The following ADAMTS17 variants were observed in gnomAD, a reference collection of about 807,000 sequenced individuals.
ADAMTS17 encodes A disintegrin and metalloproteinase with thrombospondin motifs 17.
ADAMTS17 carries 113 observed loss-of-function variants against 141.5 expected under a neutral mutation model. That is an observed-to-expected ratio of 0.80 (90% CI 0.69 to 0.93). The LOEUF (loss-of-function observed/expected upper bound fraction) is 0.93, where lower values mean the gene tolerates loss of function less well. ADAMTS17 is among the 40% of genes least tolerant of loss of function. The probability of loss-of-function intolerance (pLI) is 0.00; values close to 1 mark genes in which losing one functional copy is unlikely to be tolerated. For missense variants in ADAMTS17, 1,659 were observed against 1,517.9 expected (o/e 1.09, Z -1.54); for synonymous variants, 768 against 630.6 (o/e 1.22, Z -3.27).
intron 18 of ADAMTS17, among the ~76,000 whole-genome samples, chr15:100,017,883 A>C (rs573594545): frequency 6.6e-6 from 1 of 152,274 alleles, no homozygotes; most frequent in East Asian, 1.9e-4. Context: ...GTGGTATTTC[A>C]TTATGTGTGT....
chr15:100,042,031 C>T (rs959370627), intron 18 of ADAMTS17, among the ~76,000 whole-genome samples: 2 of 152,124 alleles, frequency 1.3e-5, no homozygotes, highest in Non-Finnish European at 2.9e-5. Context: ...GATTCTTGGG[C>T]GCTTCTTCCA....
chr15:100,216,911 T>A (rs886702106), intron 7 of ADAMTS17, among the ~76,000 whole-genome samples: 1 of 152,238 alleles, frequency 6.6e-6, no homozygotes, highest in African/African-American at 2.4e-5. Flanking sequence ...AAACATCACA[T>A]GTTCTTCTGT....
At chr15:100,249,887 G>T (rs934808225) in intron 7 of ADAMTS17, among the ~76,000 whole-genome samples, 2 of 152,176 alleles carry the variant, frequency 1.3e-5, no homozygotes, top group African/African-American at 4.8e-5. Flanking sequence ...AGGTTACCCT[G>T]GGGGGACTAC....
At chr15:100,051,260 C>G (rs530322820) in intron 17 of ADAMTS17, among the ~76,000 whole-genome samples, 29 of 152,272 alleles carry the variant, frequency 1.9e-4, no homozygotes, top group African/African-American at 7.0e-4. Context: ...AAGGTCTATT[C>G]TGTTTATTCC....
At position 100,019,264 on chromosome 15, in the gene ADAMTS17, G is replaced by A. The variant is rs186867036; in HGVS notation, c.2592-21675C>T. Among the ~76,000 whole-genome samples the A allele has an allele frequency of 1.4e-3, 218 of 152,174 alleles. 1 individual carries two copies. Among genetic ancestry groups the A allele is most frequent in the Middle Eastern group, 3.4e-3 (1 of 294 alleles). ...TATATAGTGCAAGTTTGAAAATTTG[G>A]GTGGGATGAGATGCATACATACCAA... On this transcript the variant is annotated intron_variant, in intron 18 of 21. Transcript: ENST00000268070.
rs369268643 is a variant in ADAMTS17, at chr15:100,152,901, T to C, written c.1323-139A>G. On this transcript the variant is annotated intron_variant, in intron 9 of 21. Transcript: ENST00000268070. ...CCTTATGGAAAAAGGACGCAGGCAC[T>C]GGACACACAGACTGCGCTTTTTTGC... 5.5e-6 allele frequency: 6 copies of C among 1,096,528 alleles called. No individual in the cohort carries two copies. In the East Asian group the frequency reaches 1.5e-4, roughly 28 times the overall value. 67.9% of individuals were successfully genotyped at this position (1,096,528 alleles called of 1,614,324 possible). A position where few individuals can be genotyped will look rare whatever the true frequency, so the allele number is the denominator to read the frequency against.
At chr15:100,243,110 C>A (rs1567416455) in intron 7 of ADAMTS17, among the ~76,000 whole-genome samples, 1 of 152,218 alleles carries the variant, frequency 6.6e-6, no homozygotes, top group African/African-American at 2.4e-5. Flanking sequence ...TTATTTCATT[C>A]GGCATAATGT....
intron 3 of ADAMTS17, among the ~76,000 whole-genome samples, chr15:100,309,682 C>G (rs891632618): frequency 6.6e-6 from 1 of 152,196 alleles, no homozygotes. Context: ...CACGTGAAGC[C>G]CAGCAGTTTC....
At chr15:100,000,572 G>C (rs1321755468) in intron 18 of ADAMTS17, among the ~76,000 whole-genome samples, 1 of 152,200 alleles carries the variant, frequency 6.6e-6, no homozygotes, top group Non-Finnish European at 1.5e-5. Context: ...GGAGCGCAAT[G>C]GCACGATCTC....
chr15:100,292,428 C>G (rs2044672680), intron 3 of ADAMTS17, among the ~76,000 whole-genome samples: 1 of 141,428 alleles, frequency 7.1e-6, no homozygotes, highest in African/African-American at 2.7e-5. Flanking sequence ...GAGACACTCA[C>G]CCCGTGTTAG....
At chr15:100,270,666 G>A (rs1329068373) in intron 4 of ADAMTS17, among the ~76,000 whole-genome samples, 5 of 151,468 alleles carry the variant, frequency 3.3e-5, no homozygotes, top group Non-Finnish European at 5.9e-5. Flanking sequence ...AATGTTGATG[G>A]TGTAGACATA....
intron 10 of ADAMTS17, among the ~76,000 whole-genome samples, chr15:100,137,750 G>A (rs2038408455): frequency 6.6e-6 from 1 of 152,190 alleles, no homozygotes; most frequent in African/African-American, 2.4e-5. Flanking sequence ...TGTGTGATGA[G>A]CACATGCAAG....
At chr15:100,074,841 A>T (rs1309152584) in intron 15 of ADAMTS17, among the ~76,000 whole-genome samples, 3 of 152,116 alleles carry the variant, frequency 2.0e-5, no homozygotes, top group African/African-American at 7.2e-5. Flanking sequence ...TTTTAAACTT[A>T]TTTACAGAAC....
chr15:100,260,368 T>A (rs1009981557), intron 6 of ADAMTS17, among the ~76,000 whole-genome samples: 1 of 151,896 alleles, frequency 6.6e-6, no homozygotes, highest in Non-Finnish European at 1.5e-5. Context: ...AATCCTAGCA[T>A]TTTGGGAGGC....
chr15:100,053,238 G>T (rs1200396942), intron 16 of ADAMTS17, among the ~76,000 whole-genome samples: 1 of 152,156 alleles, frequency 6.6e-6, no homozygotes, highest in African/African-American at 2.4e-5. Context: ...CCATTCCCTG[G>T]AGATCTCTGA....
chr15:100,114,548 G>C (rs114527640), intron 13 of ADAMTS17, among the ~76,000 whole-genome samples: 1 of 152,186 alleles, frequency 6.6e-6, no homozygotes, highest in African/African-American at 2.4e-5. Flanking sequence ...CCCAGAGCAG[G>C]ACGTGTCGAG....
At chr15:100,272,094 T>C (rs758145590) in intron 4 of ADAMTS17, among the ~76,000 whole-genome samples, 14 of 152,216 alleles carry the variant, frequency 9.2e-5, no homozygotes, top group Non-Finnish European at 1.8e-4. Context: ...GTCAGTAAAG[T>C]GTTTTGATTA....
chr15:100,086,655 T>G (rs996463558), intron 15 of ADAMTS17, among the ~76,000 whole-genome samples: 1 of 151,804 alleles, frequency 6.6e-6, no homozygotes, highest in Non-Finnish European at 1.5e-5. Flanking sequence ...TTTCTCACAG[T>G]GCAATCAAAC....
At chr15:99,999,969 T>G (rs991965190) in intron 18 of ADAMTS17, among the ~76,000 whole-genome samples, 1 of 152,174 alleles carries the variant, frequency 6.6e-6, no homozygotes, top group Non-Finnish European at 1.5e-5. Flanking sequence ...CTAACTCCAG[T>G]GAAGCCCTTC....
Sources: gnomAD v4.1 joint callset for allele counts (sites outside exome capture counted in the v4.1 genomes callset) on GRCh38, gnomAD v4.1.1 for gene constraint, MANE v1.5 for transcripts, NCBI Gene and HGNC (gene_info 2026-07-23, HGNC 2026-07-21) for gene names.